MRPL14: variants seen among roughly 807,000 people sequenced by gnomAD.
MRPL14 encodes mitochondrial ribosomal protein L14, also known as large ribosomal subunit protein uL14m.
In MRPL14, 8 loss-of-function variants were observed where a neutral mutation model predicts 10.9. The ratio of observed to expected loss-of-function variants is 0.74; its 90% CI spans 0.43 to 1.33. The LOEUF is 1.33. MRPL14 is among the 40% of genes most tolerant of loss of function. The probability of loss-of-function intolerance (pLI) is 0.01; values close to 1 mark genes in which losing one functional copy is unlikely to be tolerated. For synonymous variants in MRPL14, 82 were observed against 74.1 expected (o/e 1.11, Z -0.54); for missense variants, 179 against 194.5 (o/e 0.92, Z 0.47).
At chr6:44,120,603 G>A (rs942076843) in intron 1 of MRPL14, among the ~76,000 whole-genome samples, 1 of 152,144 alleles carries the variant, frequency 6.6e-6, no homozygotes, top group Non-Finnish European at 1.5e-5. Flanking sequence ...CTATGAACTT[G>A]AAAGCACAAA....
chr6:44,114,249 T>C, intron 2 of MRPL14, 40 bp from the exon 3 acceptor site: 1 of 1,579,328 alleles, frequency 6.3e-7, no homozygotes, highest in South Asian at 1.2e-5. Flanking sequence ...TCTGTATCTC[T>C]TATGGTCAGG....
chr6:44,115,407 G>A (rs1366038645), intron 2 of MRPL14, among the ~76,000 whole-genome samples: 1 of 152,048 alleles, frequency 6.6e-6, no homozygotes, highest in Non-Finnish European at 1.5e-5. Context: ...CACTTATCTA[G>A]ACGATGGCTT....
chr6:44,116,863 C>A (rs1381134195), intron 1 of MRPL14, among the ~76,000 whole-genome samples: 1 of 152,196 alleles, frequency 6.6e-6, no homozygotes, highest in Non-Finnish European at 1.5e-5. Flanking sequence ...ACAACAGCTT[C>A]TGCTATAAAA....
chr6:44,113,892 C>T lies in MRPL14; in HGVS notation c.389G>A (p.Arg130Gln), dbSNP rs547021880. The stretch of plus-strand genomic sequence containing the variant: ...CAGCACCTTGGAATACTCGCCTTCC[C>T]GCTTGCGCAGGCTGGTGGGGATGGG... The part of the protein sequence containing the change: ...KTPIPTSLRK[R>Q]EGEYSKVLAI... The change falls in exon 3 of 3, where the codon CGG becomes CAG. Residue 130 changes from arginine (R) to glutamine (Q), a missense_variant. Transcript: ENST00000372014. The T allele has an allele frequency of 2.6e-5, 41 of 1,599,836 alleles. No individual in the cohort carries two copies. The highest frequency in any genetic ancestry group is 1.4e-4 in the Admixed American group (8 of 59,234).
At chr6:44,119,921 C>A (rs930909372) in intron 1 of MRPL14, among the ~76,000 whole-genome samples, 5 of 152,164 alleles carry the variant, frequency 3.3e-5, no homozygotes, top group Admixed American at 3.3e-4. Flanking sequence ...CCCTGCCTCT[C>A]AACACCGCAC....
At chr6:44,115,999 A>G (rs564662648) in intron 2 of MRPL14, among the ~76,000 whole-genome samples, 64 of 152,326 alleles carry the variant, frequency 4.2e-4, no homozygotes, top group African/African-American at 1.4e-3. Context: ...GACAGAAAGC[A>G]ACTCTCTTTC....
chr6:44,115,577 T>A (rs1378064954), intron 2 of MRPL14, among the ~76,000 whole-genome samples: 1 of 151,444 alleles, frequency 6.6e-6, no homozygotes, highest in Admixed American at 6.5e-5. Flanking sequence ...ACCAAGACTG[T>A]GACATTAGTG....
intron 1 of MRPL14, among the ~76,000 whole-genome samples, chr6:44,123,391 T>C (rs1273728238): frequency 6.6e-6 from 1 of 152,204 alleles, no homozygotes. Context: ...GCAGGGCAAG[T>C]ACACCTTCTC....
At chr6:44,122,321 G>C (rs1776525736) in intron 1 of MRPL14, among the ~76,000 whole-genome samples, 1 of 152,046 alleles carries the variant, frequency 6.6e-6, no homozygotes, top group Non-Finnish European at 1.5e-5. Flanking sequence ...CTGACCTCGT[G>C]ATCCGCCTGC....
chr6:44,122,577 G>C (rs534008027), intron 1 of MRPL14, among the ~76,000 whole-genome samples: 2 of 152,062 alleles, frequency 1.3e-5, no homozygotes, highest in Non-Finnish European at 2.9e-5. Flanking sequence ...GTGCCTGGCC[G>C]GTTACATTTT....
intron 2 of MRPL14, among the ~76,000 whole-genome samples, chr6:44,115,545 A>C (rs1192625467): frequency 1.3e-5 from 2 of 151,750 alleles, no homozygotes; most frequent in African/African-American, 4.8e-5. Context: ...AACTTCCTTC[A>C]TTTAGCAGCT....
intron 1 of MRPL14, among the ~76,000 whole-genome samples, chr6:44,121,063 C>T (rs1268893296): frequency 1.3e-5 from 2 of 152,086 alleles, no homozygotes; most frequent in Non-Finnish European, 2.9e-5. Context: ...CTCTGATGGA[C>T]CCTGATATTA....
At position 44,116,552 on chromosome 6, in the gene MRPL14, A is replaced by G. The variant is rs779749566; in HGVS notation, c.60T>C (p.His20=). The change falls in exon 2 of 3, where the codon CAT becomes CAC. Residue 20 remains histidine (H), a synonymous_variant. Transcript: ENST00000372014. ...ATGGGAAAAGTTACCTGAAACAGTGATGGCTCAGCACTCTGCTTACACAGG... is the reference window on the plus strand; with the variant it reads ...ATGGGAAAAGTTACCTGAAACAGTGGTGGCTCAGCACTCTGCTTACACAGG... The part of the protein sequence containing the change: ...PFTCVSRVLS[H]HCFSTTGSLS... The G allele has an allele frequency of 2.5e-6, 4 of 1,614,040 alleles. No individual in the cohort carries two copies. The Admixed American group carries it at 6.7e-5, about 27-fold the overall frequency.
Position 44,113,929 on chromosome 6 carries a change from G to A in MRPL14, c.352C>T (p.Arg118Ter), listed in dbSNP as rs1245122956. The A allele has an allele frequency of 3.1e-6, 5 of 1,611,072 alleles. No individual in the cohort carries two copies. The highest frequency in any genetic ancestry group is 2.2e-5 in the East Asian group (1 of 44,778). The stretch of plus-strand genomic sequence containing the variant: ...CTGGTGGGGATGGGTGTCTTAATTC[G>A]TGTCCCCACAGGGTTCCCGTTGTCC... ...IEDNGNPVGT[R>*]IKTPIPTSLR... The change falls in exon 3 of 3, where the codon CGA (arginine) becomes TGA (stop). Residue 118 changes from arginine to a stop codon, truncating the protein, a stop_gained. Transcript: ENST00000372014. LOFTEE classifies it high-confidence loss of function.
chr6:44,120,151 C>T (rs573710855), intron 1 of MRPL14, among the ~76,000 whole-genome samples: 1 of 152,304 alleles, frequency 6.6e-6, no homozygotes, highest in East Asian at 1.9e-4. Flanking sequence ...CCCAGCTCCA[C>T]AAGCATCTCC....
At chr6:44,120,909 C>T (rs61477086) in intron 1 of MRPL14, among the ~76,000 whole-genome samples, 2,527 of 152,210 alleles carry the variant, frequency 0.017, 127 homozygotes, top group East Asian at 0.11. Context: ...AGGATTAGCC[C>T]GTGCTTTGTT....
chr6:44,123,886 A>T (rs989766169), intron 1 of MRPL14, among the ~76,000 whole-genome samples: 2 of 152,200 alleles, frequency 1.3e-5, no homozygotes, highest in Non-Finnish European at 2.9e-5. Context: ...AAAAGTAAGC[A>T]GTAGTACTTA....
chr6:44,117,356 AC>A (rs1390969181), intron 1 of MRPL14, among the ~76,000 whole-genome samples: 1 of 151,962 alleles, frequency 6.6e-6, no homozygotes, highest in Admixed American at 6.6e-5. Context: ...CAGAATCTCA[AC>A]CCTGTTGCTC....
intron 2 of MRPL14, among the ~76,000 whole-genome samples, chr6:44,115,870 C>T (rs1213448138): frequency 6.6e-6 from 1 of 152,242 alleles, no homozygotes; most frequent in Admixed American, 6.5e-5. Flanking sequence ...CCACTAGCAG[C>T]TCCTATATGA....
Sources: allele counts gnomAD v4.1 joint callset (sites outside exome capture counted in the v4.1 genomes callset), GRCh38; gene constraint gnomAD v4.1.1; transcripts MANE v1.5; gene names NCBI Gene and HGNC (gene_info 2026-07-23, HGNC 2026-07-21).